Variants in SMYD3 observed in about 807,000 individuals in gnomAD.
The protein encoded by SMYD3 is histone-lysine N-methyltransferase SMYD3.
Under a neutral mutation model 57.7 loss-of-function variants are expected in SMYD3, and 36 were observed. The observed-to-expected ratio is 0.62, with a 90% confidence interval of 0.48 to 0.82. SMYD3 has a LOEUF of 0.82. Ranked by LOEUF, SMYD3 falls within the 40% of genes least tolerant of loss-of-function variation. The pLI is 0.00. For synonymous variants in SMYD3, 211 were observed against 195.0 expected (o/e 1.08, Z -0.68); for missense variants, 515 against 538.8 (o/e 0.96, Z 0.44).
At chr1:245,857,411 C>G (rs1413405295) in intron 10 of SMYD3, among the ~76,000 whole-genome samples, 3 of 47,474 alleles carry the variant, frequency 6.3e-5, no homozygotes, top group Admixed American at 2.2e-4. Flanking sequence ...TATGTTGACC[C>G]TGGGAAATTC....
At chr1:246,301,759 G>C (rs540255583) in intron 5 of SMYD3, among the ~76,000 whole-genome samples, 9 of 152,024 alleles carry the variant, frequency 5.9e-5, no homozygotes, top group Non-Finnish European at 1.3e-4. Flanking sequence ...CCATCCTCTT[G>C]CACAATCCCT....
At chr1:246,421,970 G>A (rs1306857733) in intron 1 of SMYD3, among the ~76,000 whole-genome samples, 1 of 152,136 alleles carries the variant, frequency 6.6e-6, no homozygotes, top group East Asian at 1.9e-4. Flanking sequence ...TTACCAGTTT[G>A]CACATTCAAG....
At chr1:246,250,530 C>G (rs927352877) in intron 5 of SMYD3, among the ~76,000 whole-genome samples, 1 of 152,142 alleles carries the variant, frequency 6.6e-6, no homozygotes, top group Non-Finnish European at 1.5e-5. Flanking sequence ...ACTACAAAAG[C>G]TGCTCACTGA....
chr1:245,922,947 GTTTTGTT>G (rs941741162), intron 7 of SMYD3, among the ~76,000 whole-genome samples: 1 of 152,022 alleles, frequency 6.6e-6, no homozygotes, highest in Non-Finnish European at 1.5e-5. Flanking sequence ...TAGTCCTTGG[GTTTTGTT>G]TTTTGTTTTT....
chr1:246,413,429 A>G (rs1306950547), intron 1 of SMYD3, among the ~76,000 whole-genome samples: 1 of 152,164 alleles, frequency 6.6e-6, no homozygotes, highest in South Asian at 2.1e-4. Flanking sequence ...AGGAAATCAC[A>G]ACAGCGCTAT....
At chr1:246,016,337 T>C (rs144474082) in intron 5 of SMYD3, among the ~76,000 whole-genome samples, 2,969 of 151,596 alleles carry the variant, frequency 0.02, 61 homozygotes, top group African/African-American at 0.048. Flanking sequence ...AATCCCAACA[T>C]TTTGGGAGGC....
At chr1:246,188,407 C>A (rs546156254) in intron 5 of SMYD3, among the ~76,000 whole-genome samples, 46 of 152,276 alleles carry the variant, frequency 3.0e-4, no homozygotes, top group African/African-American at 1.1e-3. Flanking sequence ...ATTCACTTCA[C>A]TGACTTTTTT....
intron 5 of SMYD3, among the ~76,000 whole-genome samples, chr1:246,172,542 C>A (rs1277293520): frequency 1.3e-5 from 2 of 148,658 alleles, no homozygotes; most frequent in Non-Finnish European, 3.0e-5. Flanking sequence ...ACTTTATCAA[C>A]ACTGCACACT....
At chr1:246,173,813 C>CTT (rs113120804) in intron 5 of SMYD3, among the ~76,000 whole-genome samples, 138 of 151,054 alleles carry the variant, frequency 9.1e-4, no homozygotes, top group African/African-American at 3.2e-3. Context: ...TTTTTTAATG[C>CTT]TTTTTTTTTC....
chr1:246,405,093 A>T (rs1312882397), intron 1 of SMYD3, among the ~76,000 whole-genome samples: 6 of 152,178 alleles, frequency 3.9e-5, no homozygotes, highest in Admixed American at 1.3e-4. Flanking sequence ...CTGGGACTAC[A>T]GGTGTGCACG....
intron 10 of SMYD3, among the ~76,000 whole-genome samples, chr1:245,787,096 C>T (rs1164490854): frequency 2.0e-5 from 3 of 152,206 alleles, no homozygotes; most frequent in Non-Finnish European, 4.4e-5. Flanking sequence ...ACGCCTTCTT[C>T]CACTTTCATT....
intron 10 of SMYD3, among the ~76,000 whole-genome samples, chr1:245,795,446 C>T (rs1013986554): frequency 1.2e-4 from 19 of 152,218 alleles, no homozygotes; most frequent in African/African-American, 4.3e-4. Flanking sequence ...ATTCCAGGAG[C>T]CAAATTCCCA....
At chr1:246,149,201 C>T (rs987301860) in intron 5 of SMYD3, among the ~76,000 whole-genome samples, 1 of 152,112 alleles carries the variant, frequency 6.6e-6, no homozygotes, top group Non-Finnish European at 1.5e-5. Context: ...TAAAAAGAAC[C>T]ATGGAGATCT....
At chr1:246,481,818 C>G (rs1397701813) in intron 1 of SMYD3, among the ~76,000 whole-genome samples, 1 of 150,384 alleles carries the variant, frequency 6.6e-6, no homozygotes, top group Admixed American at 6.7e-5. Context: ...GATCAATACT[C>G]TACTGGTTTC....
At chr1:246,463,661 C>CA (rs35482116) in intron 1 of SMYD3, among the ~76,000 whole-genome samples, 1,495 of 73,098 alleles carry the variant, frequency 0.02, 74 homozygotes, top group African/African-American at 0.061. Flanking sequence ...ACTAAAAATA[C>CA]AAAAAAAAAA....
chr1:246,093,854 T>C (rs1004832174), intron 5 of SMYD3, among the ~76,000 whole-genome samples: 1 of 152,100 alleles, frequency 6.6e-6, no homozygotes, highest in Non-Finnish European at 1.5e-5. Flanking sequence ...ACATTTAATA[T>C]ATAAAAACAA....
chr1:245,867,644 ATGCGCGTGCGTGTGCG>A (rs766474837), intron 8 of SMYD3, among the ~76,000 whole-genome samples: 3,582 of 144,722 alleles, frequency 0.025, 55 homozygotes, highest in Middle Eastern at 0.056. Flanking sequence ...AGATATGTGC[ATGCGCGTGCGTGTGCG>A]TGCGCGCGCA....
chr1:246,430,626 C>A (rs1348016701), intron 1 of SMYD3, among the ~76,000 whole-genome samples: 1 of 152,142 alleles, frequency 6.6e-6, no homozygotes, highest in African/African-American at 2.4e-5. Context: ...TGTGGGACAT[C>A]TAGGGAGTTT....
At chr1:245,810,438 A>G (rs2069206) in intron 10 of SMYD3, among the ~76,000 whole-genome samples, 117,077 of 152,110 alleles carry the variant, frequency 0.77, 45,743 homozygotes, top group Middle Eastern at 0.86. Flanking sequence ...AACTCTAAGC[A>G]TCCTTGTACA....
Sources: gnomAD v4.1 joint callset for allele counts (sites outside exome capture counted in the v4.1 genomes callset) on GRCh38, gnomAD v4.1.1 for gene constraint, MANE v1.5 for transcripts, NCBI Gene and HGNC (gene_info 2026-07-23, HGNC 2026-07-21) for gene names.